Variants in SYT14 observed in about 807,000 individuals in gnomAD.
The protein encoded by SYT14 is synaptotagmin 14.
In SYT14, 32 loss-of-function variants were observed where a neutral mutation model predicts 74.2. The ratio of observed to expected loss-of-function variants is 0.43; its 90% CI spans 0.33 to 0.58. The LOEUF is 0.58. SYT14 is among the 20% of genes least tolerant of loss of function. The probability of loss-of-function intolerance (pLI) is 0.05; values close to 1 mark genes in which losing one functional copy is unlikely to be tolerated. For missense variants in SYT14, 791 were observed against 981.8 expected (o/e 0.81, Z 2.60); for synonymous variants, 298 against 337.7 (o/e 0.88, Z 1.29).
intron 2 of SYT14, among the ~76,000 whole-genome samples, chr1:209,955,581 T>A (rs956633821): frequency 6.6e-6 from 1 of 152,258 alleles, no homozygotes; most frequent in East Asian, 1.9e-4. Flanking sequence ...GTTTCCCTAC[T>A]TGGCATTTTT....
intron 7 of SYT14, among the ~76,000 whole-genome samples, chr1:210,134,953 T>C (rs1446253620): frequency 6.6e-6 from 1 of 152,152 alleles, no homozygotes; most frequent in Non-Finnish European, 1.5e-5. Context: ...TGCTGTGTTC[T>C]TAATTTTTGT....
intron 2 of SYT14, among the ~76,000 whole-genome samples, chr1:209,977,566 G>T (rs969088098): frequency 1.3e-5 from 2 of 152,118 alleles, no homozygotes; most frequent in Non-Finnish European, 2.9e-5. Context: ...AGTTTCTGCC[G>T]AGAGATCAGC....
At chr1:210,136,211 T>G (rs547983554) in intron 7 of SYT14, among the ~76,000 whole-genome samples, 2 of 152,134 alleles carry the variant, frequency 1.3e-5, no homozygotes, top group African/African-American at 4.8e-5. Context: ...TCAGAAAGTT[T>G]GTAGATATTT....
At chr1:210,135,929 A>G (rs1199039852) in intron 7 of SYT14, among the ~76,000 whole-genome samples, 2 of 152,210 alleles carry the variant, frequency 1.3e-5, no homozygotes, top group African/African-American at 4.8e-5. Context: ...TCTCAGGCCT[A>G]TGTGAGTTGT....
chr1:210,027,244 C>A (rs556877191), intron 5 of SYT14, among the ~76,000 whole-genome samples: 27 of 151,974 alleles, frequency 1.8e-4, no homozygotes, highest in African/African-American at 6.3e-4. Context: ...CCTATAATGT[C>A]TCTACAAAAA....
At chr1:209,975,360 T>TA (rs1174321217) in intron 2 of SYT14, among the ~76,000 whole-genome samples, 2 of 152,224 alleles carry the variant, frequency 1.3e-5, no homozygotes, top group Admixed American at 1.3e-4. Context: ...AGACAGCTCT[T>TA]ATTATTTTGA....
exon 6 of SYT14, chr1:210,094,478 G>A: frequency 6.2e-7 from 1 of 1,613,962 alleles, no homozygotes; most frequent in South Asian, 1.1e-5. Flanking sequence ...AGTCCAAGAT[G>A]CTCATATAAC....
At chr1:210,114,650 GAT>G (rs1358992524) in intron 7 of SYT14, among the ~76,000 whole-genome samples, 1 of 151,230 alleles carries the variant, frequency 6.6e-6, no homozygotes, top group East Asian at 1.9e-4. Flanking sequence ...AACGCTAACT[GAT>G]ATGGGAGAGG....
At chr1:210,038,711 C>A (rs921042409) in intron 5 of SYT14, among the ~76,000 whole-genome samples, 2 of 152,012 alleles carry the variant, frequency 1.3e-5, no homozygotes, top group Non-Finnish European at 2.9e-5. Flanking sequence ...TCATGGTTGA[C>A]AGTTTTGTTT....
At chr1:210,021,179 T>A (rs746405453) in exon 5 of SYT14, 52 of 1,613,840 alleles carry the variant, frequency 3.2e-5, no homozygotes, top group Non-Finnish European at 4.2e-5. Flanking sequence ...GAACTATGCT[T>A]GGGAAACAAG....
At chr1:210,079,279 G>A (rs2081574342) in intron 5 of SYT14, among the ~76,000 whole-genome samples, 1 of 151,820 alleles carries the variant, frequency 6.6e-6, no homozygotes, top group Admixed American at 6.6e-5. Context: ...TTTGTGGGAT[G>A]GGTTCAATAG....
At chr1:210,169,229 T>TG (rs2083493912) in exon 10 of SYT14, 4 of 137,870 alleles carry the variant, frequency 2.9e-5, no homozygotes, top group East Asian at 2.1e-4. Flanking sequence ...GTGTTTTTTT[T>TG]TTTTTTTTTT....
At chr1:209,938,803 C>A (rs540314919) in intron 1 of SYT14, among the ~76,000 whole-genome samples, 2 of 152,240 alleles carry the variant, frequency 1.3e-5, no homozygotes, top group East Asian at 3.9e-4. Context: ...GGGTTACACT[C>A]TCTGCCCGTT....
chr1:209,959,795 A>G (rs1470927398), intron 2 of SYT14, among the ~76,000 whole-genome samples: 2 of 152,148 alleles, frequency 1.3e-5, no homozygotes, highest in Non-Finnish European at 2.9e-5. Flanking sequence ...AGTTACTACT[A>G]ATAGGTATGG....
At chr1:210,088,565 G>A (rs529745263) in intron 5 of SYT14, among the ~76,000 whole-genome samples, 1 of 152,140 alleles carries the variant, frequency 6.6e-6, no homozygotes, top group South Asian at 2.1e-4. Context: ...ATTCACAATA[G>A]CAAAGACTTG....
Position 209,976,405 on chromosome 1 carries a change from C to T in SYT14, c.-486+23649C>T, listed in dbSNP as rs540826462. Among the ~76,000 whole-genome samples, 75 of 151,448 alleles carry T rather than the reference C, an allele frequency of 5.0e-4. No homozygotes were observed. In the South Asian group the frequency reaches 0.016, roughly 32 times the overall value. On this transcript the variant is annotated intron_variant, in intron 2 of 9. Coordinates refer to ENST00000637265, the Ensembl canonical transcript of SYT14. ...TCCCAGAGATTCTGGTATGTTGTGT[C>T]TTTGTTCTCGTTGGTTTCAAAGAGC...
At chr1:210,098,174 C>CAA (rs879873358) in intron 6 of SYT14, among the ~76,000 whole-genome samples, 1 of 120,022 alleles carries the variant, frequency 8.3e-6, no homozygotes. Context: ...GACCCTGTGT[C>CAA]AAAAAAAAAA....
chr1:210,013,277 G>T (rs1338805684), intron 2 of SYT14, among the ~76,000 whole-genome samples: 1 of 151,890 alleles, frequency 6.6e-6, no homozygotes, highest in African/African-American at 2.4e-5. Context: ...CACCATATTG[G>T]CCAGGCTCGT....
intron 7 of SYT14, among the ~76,000 whole-genome samples, chr1:210,140,708 CT>C (rs2082896520): frequency 6.6e-6 from 1 of 151,978 alleles, no homozygotes; most frequent in East Asian, 1.9e-4. Flanking sequence ...CAAATTAATT[CT>C]TTTACATGTG....
Sources: allele counts gnomAD v4.1 joint callset (sites outside exome capture counted in the v4.1 genomes callset), GRCh38; gene constraint gnomAD v4.1.1; transcripts MANE v1.5; gene names NCBI Gene and HGNC (gene_info 2026-07-23, HGNC 2026-07-21).